Variants in SLC43A1 observed in about 807,000 individuals in gnomAD.
SLC43A1 encodes large neutral amino acids transporter small subunit 3.
Under a neutral mutation model 59.5 loss-of-function variants are expected in SLC43A1, and 31 were observed. The observed-to-expected ratio is 0.52, with a 90% CI of 0.39 to 0.70. SLC43A1 has a LOEUF of 0.70. SLC43A1 is among the 30% of genes least tolerant of loss of function. SLC43A1 has a pLI of 0.00. For missense variants in SLC43A1, 598 were observed against 717.8 expected (o/e 0.83, Z 1.91); for synonymous variants, 259 against 290.9 (o/e 0.89, Z 1.12).
At position 57,491,364 on chromosome 11, in the gene SLC43A1, T is replaced by C. The variant is rs1445938407; in HGVS notation, c.1055-2A>G. On this transcript the variant is annotated splice_acceptor_variant, in intron 10 of 14. Coordinates refer to ENST00000278426, the MANE Select transcript of SLC43A1 (RefSeq NM_003627.6). LOFTEE classifies it high-confidence loss of function. ...CGAAGACGGAGGAGTAGAACCCAAC[T>C]GGGCAGGATGGGAAGGGCAGTGGGG... The C allele has an allele frequency of 6.3e-7, 1 of 1,586,572 alleles. No individual in the cohort carries two copies.
chr11:57,498,443 C>T (rs1000672534), intron 5 of SLC43A1, among the ~76,000 whole-genome samples: 1 of 151,672 alleles, frequency 6.6e-6, no homozygotes, highest in Non-Finnish European at 1.5e-5. Flanking sequence ...TATGTCCCCA[C>T]CCCCCAAAAA....
At chr11:57,491,444 C>T in intron 10 of SLC43A1, 82 bp from the exon 11 acceptor site, 2 of 1,555,570 alleles carry the variant, frequency 1.3e-6, no homozygotes, top group Non-Finnish European at 1.7e-6. Context: ...GGCCAGAGAG[C>T]ACCAAAATAG....
rs1251455804 is a variant in SLC43A1, at chr11:57,514,831, C to T, written c.-14+613G>A. ...TTGCACCTCGGAACCCGCTTGCCCC[C>T]CTCCAGCCCCGGGAGGGGGCTCGGA... is the stretch of plus-strand genomic sequence containing the variant. On this transcript the variant is annotated intron_variant, in intron 1 of 14. Coordinates refer to ENST00000278426, the MANE Select transcript of SLC43A1 (RefSeq NM_003627.6). The surrounding 1 kb of genome is among the most constrained non-coding windows in gnomAD (Gnocchi z 5.5). 2 of 985,458 alleles carry T rather than the reference C, an allele frequency of 2.0e-6. No individual in the cohort carries two copies. The highest frequency in any genetic ancestry group is 1.7e-5 in the African/African-American group (1 of 57,242). The allele number at this position is 985,458 out of a possible 1,614,324, so 61.0% of individuals were successfully genotyped here. A position where few individuals can be genotyped will look rare whatever the true frequency, so the allele number is the denominator to read the frequency against.
intron 2 of SLC43A1, among the ~76,000 whole-genome samples, chr11:57,513,127 G>A (rs765210729): frequency 5.9e-5 from 9 of 152,156 alleles, no homozygotes; most frequent in Non-Finnish European, 1.2e-4. Flanking sequence ...GGAACTCACC[G>A]AAGTCACCAA....
chr11:57,510,377 G>T (rs765626536), intron 2 of SLC43A1, among the ~76,000 whole-genome samples: 4 of 140,090 alleles, frequency 2.9e-5, no homozygotes, highest in Admixed American at 7.9e-5. Context: ...AGAATCACTT[G>T]AACCTGGGAG....
intron 13 of SLC43A1, 94 bp from the exon 14 acceptor site, chr11:57,487,312 C>A: frequency 1.3e-6 from 2 of 1,482,332 alleles, no homozygotes; most frequent in South Asian, 1.3e-5. Context: ...TCCCCGCTGG[C>A]CAGGCAGGGT....
chr11:57,491,439 G>T (rs746449556), intron 10 of SLC43A1, 77 bp from the exon 11 acceptor site: 8 of 1,557,174 alleles, frequency 5.1e-6, no homozygotes, highest in Non-Finnish European at 6.9e-6. Flanking sequence ...GCGGAGGCCA[G>T]AGAGCACCAA....
At position 57,487,236 on chromosome 11, in the gene SLC43A1, A is replaced by G; in HGVS notation, c.1410-18T>C. ...ATGGGAACCTGTCCACGAGACGGGG[A>G]GTATCAGGGGTGTGTGGCCCTCTCC... On this transcript the variant is annotated intron_variant, in intron 13 of 14. Transcript: ENST00000278426. 5 of 1,610,040 alleles carry G rather than the reference A, an allele frequency of 3.1e-6. No homozygotes were observed. Among genetic ancestry groups the G allele is most frequent in the Non-Finnish European group, 4.2e-6 (5 of 1,177,300 alleles).
At chr11:57,512,990 C>A (rs1043725923) in intron 2 of SLC43A1, among the ~76,000 whole-genome samples, 3 of 152,142 alleles carry the variant, frequency 2.0e-5, no homozygotes, top group Admixed American at 6.5e-5. Flanking sequence ...GGAGTTGAAA[C>A]GAGAAGCCAG....
intron 2 of SLC43A1, among the ~76,000 whole-genome samples, chr11:57,506,896 A>G (rs1357914079): frequency 6.6e-6 from 1 of 152,246 alleles, no homozygotes; most frequent in Non-Finnish European, 1.5e-5. Context: ...TATGCTGGAT[A>G]TAGAGTAGTT....
rs1944666073 is a variant in SLC43A1 at position 57,515,461 on chromosome 11, T to A, written c.-31A>T. 6.6e-6 allele frequency: 1 copy of A among 152,152 alleles called. No homozygotes were observed. Among genetic ancestry groups the A allele is most frequent in the African/African-American group, 2.4e-5 (1 of 41,414 alleles). The allele number at this position is 152,152 out of a possible 1,614,324, so 9.4% of individuals were successfully genotyped here. A position where few individuals can be genotyped will look rare whatever the true frequency, so the allele number is the denominator to read the frequency against. Reference sequence around the variant, plus strand: ...CTGCTCACCTCCGGTCACCGGCAAATGAGCAGCCAGCAGCTGCGGACGCCT... The same window carrying A: ...CTGCTCACCTCCGGTCACCGGCAAAAGAGCAGCCAGCAGCTGCGGACGCCT... On this transcript the variant is annotated 5_prime_UTR_variant, in exon 1 of 15. Transcript: ENST00000278426. The surrounding 1 kb of genome is among the most constrained non-coding windows in gnomAD (Gnocchi z 5.3).
Position 57,484,868 on chromosome 11 carries a change from T to C in SLC43A1, c.*228A>G, listed in dbSNP as rs1027181926. On this transcript the variant is annotated 3_prime_UTR_variant, in exon 15 of 15. Transcript: ENST00000278426. The stretch of plus-strand genomic sequence containing the variant: ...AAGGAGGAAGAAGGCTCAACCCCTC[T>C]AGGATAGGGACTGTCTTCAGTCAAT... 16 of 461,510 alleles carry C rather than the reference T, an allele frequency of 3.5e-5. No individual in the cohort carries two copies. Among genetic ancestry groups the C allele is most frequent in the African/African-American group, 3.0e-4 (15 of 50,490 alleles). The allele number at this position is 461,510 out of a possible 1,614,324, so 28.6% of individuals were successfully genotyped here.
chr11:57,507,508 T>C (rs1184543626), intron 2 of SLC43A1, among the ~76,000 whole-genome samples: 3 of 152,106 alleles, frequency 2.0e-5, no homozygotes, highest in Non-Finnish European at 2.9e-5. Flanking sequence ...CCGTGCGTGG[T>C]GGTACATGCC....
At position 57,489,388 on chromosome 11, in the gene SLC43A1, C is replaced by A; in HGVS notation, c.1198G>T (p.Gly400Trp). 6.2e-7 allele frequency: 1 copy of A among 1,614,086 alleles called. No individual in the cohort carries two copies. The highest frequency in any genetic ancestry group is 2.2e-5 in the East Asian group (1 of 44,872). The change falls in exon 12 of 15, where the codon GGG becomes TGG. Residue 400 changes from glycine (G) to tryptophan (W), a missense_variant. Coordinates refer to ENST00000278426, the MANE Select transcript of SLC43A1 (RefSeq NM_003627.6). ...GGTCTGATGGATTTGGTAGCAACCC[C>A]GTCCCTGAGGAGTACGGGAAGTCAC... is the stretch of plus-strand genomic sequence containing the variant. The part of the protein sequence containing the change: ...QGTVLGDARD[G>W]VATKSIRPRY...
intron 2 of SLC43A1, among the ~76,000 whole-genome samples, chr11:57,508,211 G>C (rs182246472): frequency 1.2e-3 from 176 of 151,210 alleles, no homozygotes; most frequent in African/African-American, 4.0e-3. Context: ...AGGTTGCAGT[G>C]AGGTGAGATC....
chr11:57,501,604 A>G (rs908314886), intron 2 of SLC43A1, among the ~76,000 whole-genome samples: 3 of 152,254 alleles, frequency 2.0e-5, no homozygotes, highest in African/African-American at 7.2e-5. Flanking sequence ...ATATGCACTC[A>G]GTGTCCAAGC....
chr11:57,497,774 G>T lies in SLC43A1; in HGVS notation c.537C>A (p.Ala179=). 6.2e-7 allele frequency: 1 copy of T among 1,613,604 alleles called. No individual in the cohort carries two copies. Among genetic ancestry groups the T allele is most frequent in the Non-Finnish European group, 8.5e-7 (1 of 1,179,726 alleles). ...ATACCTTGATTCCTGGGAACGTAAT[G>T]GCAGAAGAGGCGTAAGAGCCAATCA... ...ALMIGSYASS[A]ITFPGIKLIY... The change falls in exon 6 of 15, where the codon GCC becomes GCA. Residue 179 remains alanine, a synonymous_variant. Transcript: ENST00000278426.
In SLC43A1 at chr11:57,513,953, C is replaced by T. The variant is rs1446405636; in HGVS notation, c.154+5G>A. ...CCAGCCCACCCAGCCCATTTTCAGG[C>T]ATACCTGGGCACGTGCTGGAATAGA... On this transcript the variant is annotated splice_donor_5th_base_variant and intron_variant, in intron 2 of 14. Transcript: ENST00000278426. The T allele has an allele frequency of 1.1e-5, 10 of 870,312 alleles. No individual in the cohort carries two copies. The East Asian group carries it at 3.4e-4, about 29-fold the overall frequency. The allele number at this position is 870,312 out of a possible 1,614,324, so 53.9% of individuals were successfully genotyped here. A position where few individuals can be genotyped will look rare whatever the true frequency, so the allele number is the denominator to read the frequency against.
rs1159513058 is a variant in SLC43A1 at position 57,488,908 on chromosome 11, A to C, written c.1409+8T>G. On this transcript the variant is annotated splice_region_variant and intron_variant, in intron 13 of 14. Coordinates refer to ENST00000278426, the MANE Select transcript of SLC43A1 (RefSeq NM_003627.6). The stretch of plus-strand genomic sequence containing the variant: ...GCTCAGGAAGGCATTTCAGCCCAAC[A>C]GACTCACACTGCAGCATAGAGACTC... 2 of 1,612,602 alleles carry C rather than the reference A, an allele frequency of 1.2e-6. No individual in the cohort carries two copies.
Sources: gnomAD v4.1 joint callset for allele counts (sites outside exome capture counted in the v4.1 genomes callset) on GRCh38, gnomAD v4.1.1 for gene constraint, Gnocchi (gnomAD v3.1) non-coding constraint, MANE v1.5 for transcripts, NCBI Gene and HGNC (gene_info 2026-07-23, HGNC 2026-07-21) for gene names.